The following CACHD1 variants were observed in gnomAD, a reference collection of about 807,000 sequenced individuals.
CACHD1 encodes cache domain containing 1.
Under a neutral mutation model 138.7 loss-of-function variants are expected in CACHD1, and 71 were observed. The observed-to-expected ratio is 0.51, with a 90% confidence interval of 0.42 to 0.62. CACHD1 has a LOEUF of 0.62. Among genes scored for constraint, CACHD1 ranks in the 20% least tolerant of loss-of-function variants. The pLI is 0.00. For synonymous variants in CACHD1, 578 were observed against 591.5 expected (o/e 0.98, Z 0.33); for missense variants, 1,389 against 1,625.3 (o/e 0.85, Z 2.50).
At chr1:64,617,593 A>G (rs1430923943) in intron 4 of CACHD1, among the ~76,000 whole-genome samples, 1 of 152,144 alleles carries the variant, frequency 6.6e-6, no homozygotes, top group Non-Finnish European at 1.5e-5. Context: ...TAACAAGGAG[A>G]TAGGAAAGGA....
chr1:64,645,062 A>G (rs1460279726), intron 8 of CACHD1, among the ~76,000 whole-genome samples: 1 of 152,202 alleles, frequency 6.6e-6, no homozygotes, highest in East Asian at 1.9e-4. Context: ...GCACCACTGC[A>G]CTACAGCCTG....
At chr1:64,585,713 A>G (rs1475353015) in intron 3 of CACHD1, among the ~76,000 whole-genome samples, 1 of 152,234 alleles carries the variant, frequency 6.6e-6, no homozygotes, top group East Asian at 1.9e-4. Context: ...CTGACAACAG[A>G]GAGATCTTTT....
At chr1:64,511,928 A>G (rs1442888669) in intron 1 of CACHD1, among the ~76,000 whole-genome samples, 3 of 152,254 alleles carry the variant, frequency 2.0e-5, no homozygotes, top group Admixed American at 2.0e-4. Flanking sequence ...TTTGAGAGTC[A>G]GATGAGATAA....
chr1:64,586,221 G>A (rs1647050358), intron 3 of CACHD1, among the ~76,000 whole-genome samples: 1 of 152,042 alleles, frequency 6.6e-6, no homozygotes, highest in Non-Finnish European at 1.5e-5. Flanking sequence ...GTGCCACCAC[G>A]CCCGGCTAAT....
chr1:64,630,884 T>A (rs1648279030), intron 5 of CACHD1, among the ~76,000 whole-genome samples: 1 of 152,228 alleles, frequency 6.6e-6, no homozygotes. Flanking sequence ...CCACCCTAAA[T>A]CTGCACTAAT....
chr1:64,677,491 A>C (rs1650036442), intron 22 of CACHD1, among the ~76,000 whole-genome samples: 1 of 152,198 alleles, frequency 6.6e-6, no homozygotes, highest in Non-Finnish European at 1.5e-5. Context: ...GTGGTAGACT[A>C]AGTAAAGGGG....
At chr1:64,544,158 C>T (rs1349297405) in intron 1 of CACHD1, among the ~76,000 whole-genome samples, 1 of 152,092 alleles carries the variant, frequency 6.6e-6, no homozygotes, top group African/African-American at 2.4e-5. Context: ...GAACTGTCAG[C>T]CATATGTGCT....
At chr1:64,608,230 C>G (rs1570412616) in intron 4 of CACHD1, among the ~76,000 whole-genome samples, 1 of 152,164 alleles carries the variant, frequency 6.6e-6, no homozygotes, top group African/African-American at 2.4e-5. Context: ...CAACATTCTA[C>G]TAGGCAGTGG....
chr1:64,690,329 A>G (rs894890398), intron 26 of CACHD1, among the ~76,000 whole-genome samples: 42 of 152,186 alleles, frequency 2.8e-4, no homozygotes, highest in Non-Finnish European at 1.0e-4. Flanking sequence ...AAGAACATCA[A>G]TTTTGCAGCC....
chr1:64,489,243 CTTA>C (rs1333501562), intron 1 of CACHD1, among the ~76,000 whole-genome samples: 8 of 152,142 alleles, frequency 5.3e-5, no homozygotes, highest in African/African-American at 9.7e-5. Context: ...TTATTTCCGT[CTTA>C]TAACTGAGCT....
At chr1:64,614,823 T>C (rs1484193234) in intron 4 of CACHD1, among the ~76,000 whole-genome samples, 2 of 152,228 alleles carry the variant, frequency 1.3e-5, no homozygotes, top group Admixed American at 6.5e-5. Flanking sequence ...TAGATCCTCA[T>C]TTCTCTTCTA....
chr1:64,641,256 G>C (rs570835452), intron 7 of CACHD1, among the ~76,000 whole-genome samples: 1 of 5,392 alleles, frequency 1.9e-4, no homozygotes, highest in Non-Finnish European at 0.011. Flanking sequence ...AAGTAGCAGA[G>C]CTGGGCTTTG....
chr1:64,471,721 G>C (rs1216978637), intron 1 of CACHD1, among the ~76,000 whole-genome samples: 1 of 152,206 alleles, frequency 6.6e-6, no homozygotes, highest in Non-Finnish European at 1.5e-5. Flanking sequence ...AAGAAAAAGG[G>C]AGCAAAGTGA....
chr1:64,642,018 T>A (rs1648735066), intron 8 of CACHD1, 49 bp downstream of exon 8: 1 of 1,415,478 alleles, frequency 7.1e-7, no homozygotes, highest in African/African-American at 1.5e-5. Flanking sequence ...TCCCTCTAAG[T>A]GTATGCTGCT....
intron 2 of CACHD1, among the ~76,000 whole-genome samples, chr1:64,581,318 T>C (rs1647010905): frequency 1.3e-5 from 2 of 152,192 alleles, no homozygotes; most frequent in Non-Finnish European, 2.9e-5. Context: ...TGATAATGAA[T>C]AGCACTACAA....
chr1:64,582,430 G>C, intron 3 of CACHD1, 126 bp downstream of exon 3: 1 of 832,986 alleles, frequency 1.2e-6, no homozygotes, highest in Non-Finnish European at 1.9e-6. Flanking sequence ...CACTATTTAA[G>C]ATAAGCCCTT....
intron 15 of CACHD1, among the ~76,000 whole-genome samples, chr1:64,665,742 T>C (rs1570465496): frequency 6.6e-6 from 1 of 151,994 alleles, no homozygotes; most frequent in Non-Finnish European, 1.5e-5. Flanking sequence ...CTTGGCCGGG[T>C]GCGGTGACTC....
chr1:64,500,903 G>T (rs754483867), intron 1 of CACHD1, among the ~76,000 whole-genome samples: 5 of 151,906 alleles, frequency 3.3e-5, no homozygotes, highest in Non-Finnish European at 5.9e-5. Context: ...CAAAAAATTA[G>T]CTGGGCGTGG....
Position 64,658,834 on chromosome 1 carries a change from C to A in CACHD1, c.1912C>A (p.Pro638Thr). Reference protein sequence around the residue: ...LYHRLDLLGQPSACLHFKQLA... With the variant: ...LYHRLDLLGQTSACLHFKQLA... ...CCACCGGCTGGATCTCCTTGGCCAG[C>A]CCAGTGCTTGCCTCCACTTCAAACA... The change falls in exon 13 of 27, where the codon CCC becomes ACC. Residue 638 changes from proline (P) to threonine (T), a missense_variant. Physicochemically the swap from Pro to Thr is conservative, Grantham distance 38 (BLOSUM62 -1). Transcript: ENST00000651257. The A allele has an allele frequency of 1.3e-6, 2 of 1,584,998 alleles. No individual in the cohort carries two copies. The highest frequency in any genetic ancestry group is 2.3e-5 in the East Asian group (1 of 43,774).
Sources: gnomAD v4.1 joint callset for allele counts (sites outside exome capture counted in the v4.1 genomes callset) on GRCh38, gnomAD v4.1.1 for gene constraint, MANE v1.5 for transcripts, NCBI Gene and HGNC (gene_info 2026-07-23, HGNC 2026-07-21) for gene names.